Variants in GKAP1 observed in about 807,000 individuals in gnomAD.
GKAP1 encodes the protein G kinase-anchoring protein 1.
GKAP1 carries 31 observed loss-of-function variants against 56.7 expected under a neutral mutation model. The observed-to-expected ratio is 0.55, with a 90% CI of 0.41 to 0.74. The LOEUF is 0.74. GKAP1 is among the 30% of genes least tolerant of loss of function. The pLI is 0.00. For missense variants in GKAP1, 364 were observed against 402.3 expected, an observed-to-expected ratio of 0.90 and a Z score of 0.82; for synonymous variants, 151 against 138.6, an observed-to-expected ratio of 1.09 and a Z score of -0.63.
At chr9:83,813,835 C>CCTGTAATT (rs1944545041) in intron 2 of GKAP1, among the ~76,000 whole-genome samples, 1 of 152,168 alleles carries the variant, frequency 6.6e-6, no homozygotes, top group Non-Finnish European at 1.5e-5. Flanking sequence ...CATGGTGGTT[C>CCTGTAATT]ACACCTGTAA....
At position 83,806,412 on chromosome 9, in the gene GKAP1, C is replaced by T. The variant is rs769539114; in HGVS notation, c.106G>A (p.Gly36Ser). The change falls in exon 3 of 13, where the codon GGT (glycine) becomes AGT (serine). Residue 36 changes from glycine (G) to serine (S), a missense_variant. Physicochemically the swap from Gly to Ser is moderately conservative, Grantham distance 56. Coordinates refer to ENST00000376371, the MANE Select transcript of GKAP1 (RefSeq NM_025211.4). ...GTTTGAGACTTTCCAGTATTTCGAC[C>T]TTTACCTTTTCCAGGTTCAGAATCA... ...GSDSEPGKGKGRNTGKSQTLG... is the reference protein window; with the variant it reads ...GSDSEPGKGKSRNTGKSQTLG... 37 of 1,611,182 alleles carry T rather than the reference C, an allele frequency of 2.3e-5. No homozygotes were observed. The highest frequency in any genetic ancestry group is 3.1e-5 in the Non-Finnish European group (37 of 1,178,500).
At chr9:83,762,485 A>G (rs1430350887) in intron 8 of GKAP1, among the ~76,000 whole-genome samples, 1 of 152,190 alleles carries the variant, frequency 6.6e-6, no homozygotes, top group Non-Finnish European at 1.5e-5. Context: ...ACCCAAAGCA[A>G]TCTACAGATT....
At chr9:83,800,270 C>A (rs969494331) in intron 3 of GKAP1, among the ~76,000 whole-genome samples, 7 of 151,432 alleles carry the variant, frequency 4.6e-5, no homozygotes, top group Non-Finnish European at 1.0e-4. Context: ...TATGAGTTAG[C>A]CCTGTTCTGC....
chr9:83,776,290 T>G (rs567625428), intron 7 of GKAP1, among the ~76,000 whole-genome samples: 8 of 152,046 alleles, frequency 5.3e-5, no homozygotes, highest in Non-Finnish European at 8.8e-5. Flanking sequence ...CTGAGAAGAA[T>G]AGAAAATAGG....
chr9:83,750,703 A>G (rs748026822), intron 9 of GKAP1, among the ~76,000 whole-genome samples: 1 of 152,146 alleles, frequency 6.6e-6, no homozygotes, highest in Non-Finnish European at 1.5e-5. Context: ...TTAATCTATT[A>G]TTCATCTCAA....
chr9:83,755,531 A>G (rs1943459869), intron 8 of GKAP1, among the ~76,000 whole-genome samples: 1 of 152,090 alleles, frequency 6.6e-6, no homozygotes, highest in Admixed American at 6.6e-5. Flanking sequence ...ATAAAACCAT[A>G]TATGTATTTT....
chr9:83,807,541 G>A (rs1308746387), intron 2 of GKAP1, among the ~76,000 whole-genome samples: 2 of 152,186 alleles, frequency 1.3e-5, no homozygotes, highest in Non-Finnish European at 2.9e-5. Flanking sequence ...AACACTCCAA[G>A]TAGCCAGCAC....
intron 7 of GKAP1, among the ~76,000 whole-genome samples, chr9:83,774,778 C>T (rs1167583159): frequency 1.5e-5 from 2 of 131,852 alleles, no homozygotes; most frequent in Middle Eastern, 4.7e-3. Flanking sequence ...AGTGCGATCT[C>T]GACTCACTGC....
At chr9:83,758,456 G>C (rs533919408) in intron 8 of GKAP1, among the ~76,000 whole-genome samples, 19 of 152,278 alleles carry the variant, frequency 1.2e-4, no homozygotes, top group African/African-American at 4.6e-4. Flanking sequence ...AACTAGGCTG[G>C]ATACGGTGGC....
At chr9:83,748,648 ATCT>A (rs1243222579) in intron 9 of GKAP1, 12 of 207,646 alleles carry the variant, frequency 5.8e-5, no homozygotes, top group South Asian at 4.8e-4. Context: ...TTCCTAAATA[ATCT>A]TCTTTTCTTC....
intron 10 of GKAP1, among the ~76,000 whole-genome samples, chr9:83,743,100 T>C (rs1943235393): frequency 6.6e-6 from 1 of 152,264 alleles, no homozygotes; most frequent in South Asian, 2.1e-4. Flanking sequence ...GAGGTGGTGG[T>C]TGCTGTGAGC....
At chr9:83,800,845 G>A (rs888527541) in intron 3 of GKAP1, among the ~76,000 whole-genome samples, 7 of 152,150 alleles carry the variant, frequency 4.6e-5, no homozygotes, top group Non-Finnish European at 8.8e-5. Flanking sequence ...CCTCACTTCC[G>A]TTTTCTGTCC....
chr9:83,771,297 G>A (rs1943756417), intron 7 of GKAP1, among the ~76,000 whole-genome samples: 1 of 150,788 alleles, frequency 6.6e-6, no homozygotes, highest in South Asian at 2.1e-4. Flanking sequence ...TTGGCCAGTG[G>A]GTCTCAAACT....
intron 5 of GKAP1, among the ~76,000 whole-genome samples, chr9:83,786,644 A>G (rs1411913502): frequency 6.6e-6 from 1 of 152,222 alleles, no homozygotes; most frequent in African/African-American, 2.4e-5. Flanking sequence ...AATTGTATTA[A>G]AAGTTGTTTT....
At chr9:83,804,512 C>G (rs568691538) in intron 3 of GKAP1, among the ~76,000 whole-genome samples, 1 of 73,500 alleles carries the variant, frequency 1.4e-5, no homozygotes, top group Non-Finnish European at 2.8e-5. Context: ...CCGCCCCGTC[C>G]GGGAGGGAGG....
intron 5 of GKAP1, among the ~76,000 whole-genome samples, chr9:83,788,171 A>C (rs1370771206): frequency 6.6e-6 from 1 of 152,114 alleles, no homozygotes; most frequent in Non-Finnish European, 1.5e-5. Flanking sequence ...CCAGCTACTC[A>C]GGAGGCTGAG....
intron 9 of GKAP1, among the ~76,000 whole-genome samples, chr9:83,749,689 A>T (rs1381101601): frequency 6.6e-6 from 1 of 152,192 alleles, no homozygotes; most frequent in Non-Finnish European, 1.5e-5. Context: ...CCAGATTCAA[A>T]TTTTTTAAAA....
chr9:83,815,606 A>G (rs1944572370), intron 2 of GKAP1, among the ~76,000 whole-genome samples: 1 of 151,938 alleles, frequency 6.6e-6, no homozygotes, highest in Admixed American at 6.6e-5. Context: ...ACAATTATAC[A>G]TATAAAATCC....
intron 7 of GKAP1, among the ~76,000 whole-genome samples, chr9:83,770,334 G>A (rs546393794): frequency 3.9e-5 from 6 of 152,226 alleles, no homozygotes; most frequent in Admixed American, 1.3e-4. Context: ...TTTTGTACAC[G>A]GTGTGAAGAA....
Sources: allele counts gnomAD v4.1 joint callset (sites outside exome capture counted in the v4.1 genomes callset), GRCh38; gene constraint gnomAD v4.1.1; transcripts MANE v1.5; gene names NCBI Gene and HGNC (gene_info 2026-07-23, HGNC 2026-07-21).